The following RBFOX1 variants were observed in gnomAD, a reference collection of about 807,000 sequenced individuals.
RBFOX1 encodes the protein RNA binding fox-1 homolog 1.
Under a neutral mutation model 57.7 loss-of-function variants are expected in RBFOX1, and 8 were observed. The ratio of observed to expected loss-of-function variants is 0.14; its 90% CI spans 0.08 to 0.25. The LOEUF (loss-of-function observed/expected upper bound fraction) is 0.25. RBFOX1 is among the 10% of genes least tolerant of loss of function. The pLI is 1.00. For missense variants in RBFOX1, 611 were observed against 548.5 expected, an observed-to-expected ratio of 1.11 and a Z score of -1.14; for synonymous variants, 326 against 222.4, an observed-to-expected ratio of 1.47 and a Z score of -4.15.
intron 4 of RBFOX1, among the ~76,000 whole-genome samples, chr16:7,284,724 C>G (rs146784364): frequency 3.9e-5 from 6 of 152,144 alleles, no homozygotes; most frequent in African/African-American, 1.4e-4. Context: ...CCTAGCTCTG[C>G]GACCTCACGG....
intron 4 of RBFOX1, among the ~76,000 whole-genome samples, chr16:7,140,492 G>T (rs1012576932): frequency 1.4e-4 from 22 of 151,870 alleles, no homozygotes; most frequent in African/African-American, 5.3e-4. Context: ...TTTATTGTTG[G>T]ATACCCAGGA....
rs113131663 is a variant in RBFOX1 at position 7,530,503 on chromosome 16, T to TAA, written c.270+12128_270+12129dup. Among the ~76,000 whole-genome samples the TAA allele has an allele frequency of 1.9e-4, 27 of 138,964 alleles. No individual in the cohort carries two copies. In the East Asian group the frequency reaches 4.5e-3, roughly 23 times the overall value. The allele number at this position is 138,964 out of a possible 152,430, so 91.2% of individuals were successfully genotyped here. A position where few individuals can be genotyped will look rare whatever the true frequency, so the allele number is the denominator to read the frequency against. On this transcript the variant is annotated intron_variant, in intron 5 of 15. Transcript: ENST00000550418. The stretch of plus-strand genomic sequence containing the variant: ...TTCTCACAAAGACTTCCAGACTTCT[T>TAA]AAAAAAAAAAAAAAAGTCTTCATTT...
intron 4 of RBFOX1, among the ~76,000 whole-genome samples, chr16:5,948,403 T>C (rs2059448656): frequency 6.6e-6 from 1 of 152,168 alleles, no homozygotes; most frequent in Non-Finnish European, 1.5e-5. Context: ...AGGCCCACCA[T>C]AGATTGGGTT....
intron 6 of RBFOX1, among the ~76,000 whole-genome samples, chr16:7,582,613 G>A (rs2093860205): frequency 6.6e-6 from 1 of 152,176 alleles, no homozygotes. Context: ...GGAGCTTAGG[G>A]AATTTAGGAG....
At chr16:5,652,293 C>T (rs902583845) in intron 3 of RBFOX1, among the ~76,000 whole-genome samples, 1 of 152,128 alleles carries the variant, frequency 6.6e-6, no homozygotes, top group Non-Finnish European at 1.5e-5. Flanking sequence ...TATCATCAAA[C>T]CATGTTACAG....
At chr16:6,261,961 A>T (rs2097704108) in intron 1 of RBFOX1, among the ~76,000 whole-genome samples, 1 of 152,120 alleles carries the variant, frequency 6.6e-6, no homozygotes, top group Non-Finnish European at 1.5e-5. Context: ...ACCCAGAGAC[A>T]AAGGATGCAG....
intron 1 of RBFOX1, among the ~76,000 whole-genome samples, chr16:5,347,899 C>T (rs1039401206): frequency 2.7e-5 from 4 of 147,816 alleles, no homozygotes; most frequent in African/African-American, 5.0e-5. Context: ...TTCATCCTCC[C>T]ATCCACCCCC....
chr16:7,110,476 G>C (rs1379660057), intron 4 of RBFOX1, among the ~76,000 whole-genome samples: 1 of 152,118 alleles, frequency 6.6e-6, no homozygotes, highest in Non-Finnish European at 1.5e-5. Context: ...AATTAACACA[G>C]GGCTCCGGCT....
At chr16:6,820,546 C>G (rs2091093327) in intron 3 of RBFOX1, among the ~76,000 whole-genome samples, 2 of 151,856 alleles carry the variant, frequency 1.3e-5, no homozygotes, top group South Asian at 4.2e-4. Flanking sequence ...ATAGTCTCAG[C>G]TACTTGGGAT....
chr16:6,578,719 C>T (rs1239870147), intron 2 of RBFOX1, among the ~76,000 whole-genome samples: 1 of 151,724 alleles, frequency 6.6e-6, no homozygotes. Context: ...GAATATTTTC[C>T]ATTTATTTCA....
At chr16:7,295,889 C>A (rs1292721150) in intron 4 of RBFOX1, among the ~76,000 whole-genome samples, 1 of 152,180 alleles carries the variant, frequency 6.6e-6, no homozygotes, top group Non-Finnish European at 1.5e-5. Context: ...GAAAGGCATG[C>A]TGCTCTGTGG....
At chr16:6,725,733 ATC>A (rs1271205548) in intron 3 of RBFOX1, among the ~76,000 whole-genome samples, 2 of 152,114 alleles carry the variant, frequency 1.3e-5, no homozygotes, top group African/African-American at 4.8e-5. Flanking sequence ...GTAGATTTCC[ATC>A]TGTTTTCTTT....
intron 2 of RBFOX1, among the ~76,000 whole-genome samples, chr16:5,514,646 T>G (rs1876352): frequency 6.6e-6 from 1 of 152,036 alleles, no homozygotes; most frequent in Non-Finnish European, 1.5e-5. Flanking sequence ...ACAAAACGGA[T>G]GCACATCTCT....
At chr16:7,069,100 C>T (rs78265768) in intron 4 of RBFOX1, among the ~76,000 whole-genome samples, 2,107 of 152,334 alleles carry the variant, frequency 0.014, 57 homozygotes, top group African/African-American at 0.048. Context: ...AGATCCCTGA[C>T]ATTATTTTAT....
At chr16:6,135,778 G>A (rs574034605) in intron 1 of RBFOX1, among the ~76,000 whole-genome samples, 8 of 136,680 alleles carry the variant, frequency 5.9e-5, no homozygotes, top group South Asian at 2.3e-4. Context: ...GATGGCACTC[G>A]TTTCGACTTT....
intron 3 of RBFOX1, among the ~76,000 whole-genome samples, chr16:6,970,932 A>G (rs116723823): frequency 9.5e-4 from 144 of 152,306 alleles, no homozygotes; most frequent in African/African-American, 3.4e-3. Flanking sequence ...TGTCTGAAAC[A>G]CATGCACACA....
intron 5 of RBFOX1, among the ~76,000 whole-genome samples, chr16:7,577,706 C>G (rs950120340): frequency 1.3e-5 from 2 of 152,194 alleles, no homozygotes; most frequent in Non-Finnish European, 2.9e-5. Flanking sequence ...AGGTTCAAGA[C>G]CAGCCTGGGC....
chr16:5,387,937 C>T (rs768356970), intron 1 of RBFOX1, among the ~76,000 whole-genome samples: 6 of 152,114 alleles, frequency 3.9e-5, no homozygotes, highest in Admixed American at 2.0e-4. Flanking sequence ...AGAGAAACTC[C>T]GTGGTCTACT....
intron 4 of RBFOX1, among the ~76,000 whole-genome samples, chr16:7,099,503 T>A (rs1247177919): frequency 6.6e-6 from 1 of 152,190 alleles, no homozygotes; most frequent in Non-Finnish European, 1.5e-5. Context: ...CTTCTCCTAT[T>A]ACTTATAAAC....
Sources: allele counts gnomAD v4.1 joint callset (sites outside exome capture counted in the v4.1 genomes callset), GRCh38; gene constraint gnomAD v4.1.1; transcripts MANE v1.5; gene names NCBI Gene and HGNC (gene_info 2026-07-23, HGNC 2026-07-21).